SDK1: variants seen among roughly 807,000 people sequenced by gnomAD.
The protein encoded by SDK1 is sidekick cell adhesion molecule 1.
A neutral mutation model predicts 245.5 loss-of-function variants in SDK1; 157 were observed. That is an observed-to-expected ratio of 0.64 (90% CI 0.56 to 0.73). The LOEUF (loss-of-function observed/expected upper bound fraction) is 0.73, where lower values mean the gene tolerates loss of function less well. SDK1 is among the 30% of genes least tolerant of loss of function. The pLI is 0.00. For missense variants in SDK1, 3,583 were observed against 3,002.3 expected, an observed-to-expected ratio of 1.19 and a Z score of -4.52; for synonymous variants, 1,647 against 1,278.5, an observed-to-expected ratio of 1.29 and a Z score of -6.15.
intron 3 of SDK1, among the ~76,000 whole-genome samples, chr7:3,641,373 T>C (rs73673666): frequency 0.042 from 6,326 of 152,218 alleles, 394 homozygotes; most frequent in African/African-American, 0.14. Context: ...ATTTTTTTTA[T>C]CAGTAGAACA....
chr7:3,540,876 G>C (rs968538896), intron 1 of SDK1, among the ~76,000 whole-genome samples: 1 of 152,288 alleles, frequency 6.6e-6, no homozygotes, highest in East Asian at 1.9e-4. Flanking sequence ...AACTGTCAAG[G>C]AATCACTATT....
At chr7:4,191,412 G>A (rs1008788444) in intron 35 of SDK1, among the ~76,000 whole-genome samples, 3 of 152,246 alleles carry the variant, frequency 2.0e-5, no homozygotes, top group African/African-American at 4.8e-5. Context: ...GTGGAGCATC[G>A]CGCGGTGCCC....
rs550978113 is a variant in SDK1 at position 4,026,300 on chromosome 7, G to A, written c.2602+8948G>A. Among the ~76,000 whole-genome samples the A allele has an allele frequency of 2.4e-4, 36 of 152,398 alleles. No homozygotes were observed. The highest frequency in any genetic ancestry group is 1.9e-3 in the Admixed American group (29 of 15,310). ...ACACCAAGTCGGCAGGAGCCCAAGC[G>A]AGTGGCCAGAGCTTCCACCCTCGGT... On this transcript the variant is annotated intron_variant, in intron 17 of 44. Coordinates refer to ENST00000404826, the MANE Select transcript of SDK1 (RefSeq NM_152744.4). This position sits in a 1 kb window ranked among gnomAD's most constrained non-coding sequence, Gnocchi z 4.1.
chr7:4,014,854 A>G (rs1304993176), intron 16 of SDK1, among the ~76,000 whole-genome samples: 1 of 152,160 alleles, frequency 6.6e-6, no homozygotes, highest in African/African-American at 2.4e-5. Context: ...TCCTGTGACT[A>G]TCACAAAAGC....
chr7:3,817,032 A>G (rs1167577704), intron 4 of SDK1, among the ~76,000 whole-genome samples: 1 of 152,230 alleles, frequency 6.6e-6, no homozygotes, highest in Non-Finnish European at 1.5e-5. Flanking sequence ...TTATTATTTT[A>G]CTAAACATTT....
intron 5 of SDK1, among the ~76,000 whole-genome samples, chr7:3,872,394 A>G (rs954929217): frequency 3.9e-5 from 6 of 152,080 alleles, no homozygotes; most frequent in African/African-American, 1.4e-4. Context: ...AACTAGTGAC[A>G]CTGAGTCTGG....
Position 3,967,322 on chromosome 7 carries a change from C to T in SDK1, c.1434C>T (p.Ile478=), listed in dbSNP as rs527487069. 3 of 1,611,966 alleles carry T rather than the reference C, an allele frequency of 1.9e-6. No homozygotes were observed. The highest frequency in any genetic ancestry group is 8.5e-7 in the Non-Finnish European group (1 of 1,178,034). Residue 478 remains isoleucine (I), a synonymous_variant, in exon 10 of 45, where the codon ATC becomes ATT. Coordinates refer to ENST00000404826, the MANE Select transcript of SDK1 (RefSeq NM_152744.4). ...QTHTYLDVTN[I]APVFTQRPVD... ...TTCATTTACTCCTCTTCTCAGATAT[C>T]GCTCCAGTGTTCACCCAGCGGCCAG...
chr7:3,328,137 T>G (rs1198669373), intron 1 of SDK1, among the ~76,000 whole-genome samples: 1 of 152,170 alleles, frequency 6.6e-6, no homozygotes, highest in Non-Finnish European at 1.5e-5. Flanking sequence ...TTGGGAAGAA[T>G]AATGTGGAAA....
In SDK1 at chr7:4,017,328, G is replaced by C; in HGVS notation, c.2578G>C (p.Val860Leu). Residue 860 changes from valine (V) to leucine (L), a missense_variant, in exon 17 of 45, where the codon GTG (valine) becomes CTG (leucine). Physicochemically the swap from Val to Leu is conservative, Grantham distance 32. Coordinates refer to ENST00000404826, the MANE Select transcript of SDK1 (RefSeq NM_152744.4). ...CGGTCTGGGCGTCTTCAGCAGGGCA[G>C]TGACCGAGTACACCTTGCAGGGAGG... ...GAGLGVFSRA[V>L]TEYTLQGVPT... The C allele has an allele frequency of 6.2e-7, 1 of 1,613,222 alleles. No homozygotes were observed. Among genetic ancestry groups the C allele is most frequent in the South Asian group, 1.1e-5 (1 of 90,930 alleles).
chr7:3,699,546 T>C (rs945663560), intron 4 of SDK1, among the ~76,000 whole-genome samples: 2 of 152,124 alleles, frequency 1.3e-5, no homozygotes, highest in African/African-American at 2.4e-5. Flanking sequence ...GGGAAAAGAA[T>C]CCGTGAACTT....
intron 22 of SDK1, among the ~76,000 whole-genome samples, chr7:4,083,477 T>C (rs928324070): frequency 6.7e-6 from 1 of 150,054 alleles, no homozygotes; most frequent in African/African-American, 2.5e-5. Context: ...CCGTTTGCCC[T>C]GTAAACTGGA....
intron 5 of SDK1, among the ~76,000 whole-genome samples, chr7:3,860,779 C>T (rs1015774156): frequency 6.6e-6 from 1 of 152,140 alleles, no homozygotes; most frequent in South Asian, 2.1e-4. Flanking sequence ...TAATGCCGCA[C>T]CTGACACTGT....
chr7:4,022,888 C>G (rs1787027155), intron 17 of SDK1, among the ~76,000 whole-genome samples: 1 of 151,812 alleles, frequency 6.6e-6, no homozygotes, highest in Non-Finnish European at 1.5e-5. Flanking sequence ...GTTCTCCTGC[C>G]TCAGCCTCCC....
intron 27 of SDK1, 107 bp downstream of exon 27, chr7:4,130,204 T>C (rs1000741201): frequency 7.9e-7 from 1 of 1,271,310 alleles, no homozygotes; most frequent in African/African-American, 1.5e-5. Flanking sequence ...TTCAAACCAC[T>C]TTCTTTTGCA....
At chr7:3,965,299 G>A (rs1782004044) in intron 9 of SDK1, among the ~76,000 whole-genome samples, 1 of 152,038 alleles carries the variant, frequency 6.6e-6, no homozygotes, top group African/African-American at 2.4e-5. Context: ...GAACATCTCT[G>A]GGTTTCTCTC....
chr7:3,725,323 T>C (rs1195216749), intron 4 of SDK1, among the ~76,000 whole-genome samples: 2 of 152,212 alleles, frequency 1.3e-5, no homozygotes, highest in African/African-American at 2.4e-5. Context: ...AGGAAGGAAC[T>C]GTCCTTCTCA....
chr7:3,346,099 G>A (rs919586647), intron 1 of SDK1, among the ~76,000 whole-genome samples: 1 of 152,222 alleles, frequency 6.6e-6, no homozygotes, highest in African/African-American at 2.4e-5. Context: ...ATTGCAACTT[G>A]TGATACTGCA....
At chr7:4,103,149 C>T (rs1020676990) in intron 22 of SDK1, among the ~76,000 whole-genome samples, 4 of 151,920 alleles carry the variant, frequency 2.6e-5, no homozygotes, top group Admixed American at 6.6e-5. Flanking sequence ...TACAGGCGCC[C>T]GCCACCACGT....
chr7:4,032,024 C>T (rs1787856978), intron 17 of SDK1, among the ~76,000 whole-genome samples: 1 of 138,302 alleles, frequency 7.2e-6, no homozygotes, highest in Non-Finnish European at 1.5e-5. Flanking sequence ...GAGACTCTGC[C>T]TCAAAAAAAA....
Sources: gnomAD v4.1 joint callset for allele counts (sites outside exome capture counted in the v4.1 genomes callset) on GRCh38, gnomAD v4.1.1 for gene constraint, Gnocchi (gnomAD v3.1) non-coding constraint, MANE v1.5 for transcripts, NCBI Gene and HGNC (gene_info 2026-07-23, HGNC 2026-07-21) for gene names.